Variants in ZBTB44 observed in about 807,000 individuals in gnomAD.
ZBTB44 encodes the protein zinc finger and BTB domain containing 44.
A neutral mutation model predicts 54.0 loss-of-function variants in ZBTB44; 15 were observed. The ratio of observed to expected loss-of-function variants is 0.28; its 90% CI spans 0.19 to 0.43. ZBTB44 has a LOEUF of 0.43. ZBTB44 is among the 20% of genes least tolerant of loss of function. The pLI, the probability that ZBTB44 is intolerant of heterozygous loss-of-function variation, is 1.00. For synonymous variants in ZBTB44, 230 were observed against 250.1 expected (o/e 0.92, Z 0.76); for missense variants, 487 against 707.1 (o/e 0.69, Z 3.53).
chr11:130,243,039 TATC>T (rs1351498886), intron 2 of ZBTB44, among the ~76,000 whole-genome samples: 1 of 152,256 alleles, frequency 6.6e-6, no homozygotes, highest in Admixed American at 6.5e-5. Context: ...TAATTTTGGT[TATC>T]ATTTTTCTTT....
Position 130,230,096 on chromosome 11 carries a change from T to C in ZBTB44, c.*1668A>G, listed in dbSNP as rs1249339139. 1 of 152,106 alleles carries C rather than the reference T, an allele frequency of 6.6e-6. No individual in the cohort carries two copies. Among genetic ancestry groups the C allele is most frequent in the Non-Finnish European group, 1.5e-5 (1 of 67,936 alleles). 9.4% of individuals were successfully genotyped at this position (152,106 alleles called of 1,614,324 possible). A position where few individuals can be genotyped will look rare whatever the true frequency, so the allele number is the denominator to read the frequency against. On this transcript the variant is annotated 3_prime_UTR_variant, in exon 8 of 8. Coordinates refer to ENST00000357899, the MANE Select transcript of ZBTB44 (RefSeq NM_001301098.2). ...CAAGTAATAAGTCTCTGTTACAGAA[T>C]TGCCACATTATACAGTAATGTATTT... is the stretch of plus-strand genomic sequence containing the variant.
chr11:130,236,086 T>A (rs1193116454), intron 5 of ZBTB44: 1 of 1,265,626 alleles, frequency 7.9e-7, no homozygotes, highest in African/African-American at 1.5e-5. Flanking sequence ...GAGAAGGCCT[T>A]AGAAACCATC....
At chr11:130,268,665 G>A (rs1176679125) in intron 1 of ZBTB44, among the ~76,000 whole-genome samples, 2 of 151,874 alleles carry the variant, frequency 1.3e-5, no homozygotes, top group African/African-American at 2.4e-5. Context: ...TGCAACCTCC[G>A]CCTCCCGGGT....
chr11:130,292,030 C>A (rs1202209300), intron 1 of ZBTB44, among the ~76,000 whole-genome samples: 15 of 152,106 alleles, frequency 9.9e-5, no homozygotes, highest in Admixed American at 5.9e-4. Flanking sequence ...AGTATGTACT[C>A]TTTTTTTCTG....
At chr11:130,257,238 TAA>T (rs572669481) in intron 2 of ZBTB44, among the ~76,000 whole-genome samples, 15 of 109,324 alleles carry the variant, frequency 1.4e-4, no homozygotes, top group Non-Finnish European at 1.6e-4. Flanking sequence ...TCCCAGATCT[TAA>T]AAAAAAAAAA....
chr11:130,230,417 T>TG lies in ZBTB44; in HGVS notation c.*1346_*1347insC, dbSNP rs1272395193. ...AAGTATTTTAACAAGATGAAAGTTT[T>TG]TTTTTTTTTTTTTTTTTGCTAGTTA... On this transcript the variant is annotated 3_prime_UTR_variant, in exon 8 of 8. Coordinates refer to ENST00000357899, the MANE Select transcript of ZBTB44 (RefSeq NM_001301098.2). The TG allele has an allele frequency of 1.4e-5, 2 of 143,320 alleles. No homozygotes were observed. The highest frequency in any genetic ancestry group is 3.9e-4 in the East Asian group (2 of 5,122). The allele number at this position is 143,320 out of a possible 1,614,324, so 8.9% of individuals were successfully genotyped here.
chr11:130,287,306 T>C (rs1462174654), intron 1 of ZBTB44, among the ~76,000 whole-genome samples: 1 of 152,206 alleles, frequency 6.6e-6, no homozygotes, highest in East Asian at 1.9e-4. Context: ...TCCCCACTTA[T>C]AAATGTTTAT....
At chr11:130,304,631 AT>A (rs1338339703) in intron 1 of ZBTB44, among the ~76,000 whole-genome samples, 1 of 152,048 alleles carries the variant, frequency 6.6e-6, no homozygotes, top group Non-Finnish European at 1.5e-5. Context: ...TTTAAAAAAA[AT>A]ATTGATTTTT....
At chr11:130,237,956 A>G (rs1207746436) in intron 4 of ZBTB44, among the ~76,000 whole-genome samples, 1 of 152,270 alleles carries the variant, frequency 6.6e-6, no homozygotes, top group Non-Finnish European at 1.5e-5. Flanking sequence ...TTAAAAAAAT[A>G]CAAACTACAA....
At chr11:130,286,050 G>T (rs760228066) in intron 1 of ZBTB44, among the ~76,000 whole-genome samples, 1 of 152,134 alleles carries the variant, frequency 6.6e-6, no homozygotes, top group Non-Finnish European at 1.5e-5. Flanking sequence ...TCAACTATCC[G>T]AAAAGTGACA....
At chr11:130,239,783 AG>A (rs1290505185) in intron 3 of ZBTB44, 28 bp downstream of exon 3, 7 of 1,578,624 alleles carry the variant, frequency 4.4e-6, no homozygotes, top group Non-Finnish European at 6.1e-6. Flanking sequence ...AACCCTTAAG[AG>A]GTAACGAAAT....
At position 130,237,077 on chromosome 11, in the gene ZBTB44, C is replaced by T; in HGVS notation, c.1284G>A (p.Gln428=). Residue 428 remains glutamine (Q), a synonymous_variant, in exon 5 of 8, where the codon CAG becomes CAA. Transcript: ENST00000357899. ...TGAACTTTTTCCCACAGCGGTCACACTGAAATGGTTTAATTCCTGTAAATA... is the reference window on the plus strand; with the variant it reads ...TGAACTTTTTCCCACAGCGGTCACATTGAAATGGTTTAATTCCTGTAAATA... ...MLIHSGIKPF[Q]CDRCGKKFTR... The T allele has an allele frequency of 6.3e-7, 1 of 1,579,900 alleles. No homozygotes were observed. The highest frequency in any genetic ancestry group is 8.6e-7 in the Non-Finnish European group (1 of 1,163,914).
chr11:130,232,149 G>A (rs940786853), intron 7 of ZBTB44: 1 of 152,064 alleles, frequency 6.6e-6, no homozygotes, highest in African/African-American at 2.4e-5. Flanking sequence ...TGTTTTTGGG[G>A]AAAAAATTAC....
chr11:130,262,616 G>C (rs1301540105), intron 1 of ZBTB44, among the ~76,000 whole-genome samples: 1 of 152,100 alleles, frequency 6.6e-6, no homozygotes, highest in Non-Finnish European at 1.5e-5. Flanking sequence ...ATGTGAGCAT[G>C]CAGCAGGCAA....
chr11:130,312,658 C>A (rs1175221821), intron 1 of ZBTB44, among the ~76,000 whole-genome samples: 1 of 152,064 alleles, frequency 6.6e-6, no homozygotes, highest in African/African-American at 2.4e-5. Context: ...ATTTCCCCTG[C>A]AAAAAGAAGA....
chr11:130,306,097 T>C (rs1281447894), intron 1 of ZBTB44, among the ~76,000 whole-genome samples: 3 of 152,182 alleles, frequency 2.0e-5, no homozygotes, highest in African/African-American at 7.2e-5. Context: ...ATTTAAAAAT[T>C]AAAAATAATA....
Position 130,293,455 on chromosome 11 carries a change from C to T in ZBTB44, c.-57+20920G>A, listed in dbSNP as rs527985348. ...CACCACTGCACTCCAGCCGGGATGA[C>T]AGCAAGATCTTGTATCAAAAAAAAA... On this transcript the variant is annotated intron_variant, in intron 1 of 7. Coordinates refer to ENST00000357899, the MANE Select transcript of ZBTB44 (RefSeq NM_001301098.2). Among the ~76,000 whole-genome samples the T allele has an allele frequency of 3.0e-3, 423 of 139,032 alleles. 1 individual carries two copies. Among genetic ancestry groups the T allele is most frequent in the Non-Finnish European group, 4.5e-3 (296 of 65,554 alleles). 91.2% of individuals were successfully genotyped at this position (139,032 alleles called of 152,430 possible).
At chr11:130,296,198 A>G in intron 1 of ZBTB44, 3 of 1,306,794 alleles carry the variant, frequency 2.3e-6, no homozygotes, top group Admixed American at 1.8e-5. Context: ...AAAAGGAGCC[A>G]TTGTATGTTA....
At chr11:130,253,994 C>G (rs1369670747) in intron 2 of ZBTB44, among the ~76,000 whole-genome samples, 3 of 152,120 alleles carry the variant, frequency 2.0e-5, no homozygotes, top group Non-Finnish European at 4.4e-5. Flanking sequence ...ATAAATGGTG[C>G]TGGGAAAACT....
Sources: gnomAD v4.1 joint callset for allele counts (sites outside exome capture counted in the v4.1 genomes callset) on GRCh38, gnomAD v4.1.1 for gene constraint, MANE v1.5 for transcripts, NCBI Gene and HGNC (gene_info 2026-07-23, HGNC 2026-07-21) for gene names.